Variants in DOCK8 observed in about 807,000 individuals in gnomAD.
The protein encoded by DOCK8 is dedicator of cytokinesis protein 8.
DOCK8 carries 141 observed loss-of-function variants against 245.6 expected under a neutral mutation model. The observed-to-expected ratio is 0.57, with a 90% CI of 0.50 to 0.66. DOCK8 has a LOEUF of 0.66. DOCK8 is among the 30% of genes least tolerant of loss of function. The pLI is 0.00. For missense variants in DOCK8, 2,965 were observed against 2,603.4 expected (o/e 1.14, Z -3.02); for synonymous variants, 1,168 against 970.2 (o/e 1.20, Z -3.79).
Position 396,862 on chromosome 9 carries a change from C to T in DOCK8, c.3048C>T (p.Phe1016=), listed in dbSNP as rs767027949. 6.2e-7 allele frequency: 1 copy of T among 1,614,108 alleles called. No homozygotes were observed. Among genetic ancestry groups the T allele is most frequent in the Non-Finnish European group, 8.5e-7 (1 of 1,180,014 alleles). Reference sequence around the variant, plus strand: ...GGAGGACTCGTTTTTCTGACCGTTTCATGGATGACATAACTACTATTGTTA... The same window carrying T: ...GGAGGACTCGTTTTTCTGACCGTTTTATGGATGACATAACTACTATTGTTA... ...SFRRTRFSDR[F]MDDITTIVNV... The change falls in exon 25 of 48, where the codon TTC becomes TTT. Residue 1016 remains phenylalanine, a synonymous_variant. Transcript: ENST00000432829.
At chr9:345,273 G>A (rs911083135) in intron 14 of DOCK8, among the ~76,000 whole-genome samples, 10 of 152,072 alleles carry the variant, frequency 6.6e-5, no homozygotes, top group African/African-American at 1.4e-4. Context: ...ATATTTCTTC[G>A]TTTATAGAGG....
intron 16 of DOCK8, among the ~76,000 whole-genome samples, chr9:370,642 C>G (rs1049142456): frequency 2.0e-5 from 3 of 152,212 alleles, no homozygotes; most frequent in African/African-American, 4.8e-5. Context: ...AGTCCGGCTC[C>G]CCTTGCCCTG....
intron 44 of DOCK8, 126 bp downstream of exon 44, chr9:446,732 A>G (rs2057275476): frequency 3.5e-6 from 3 of 847,604 alleles, no homozygotes; most frequent in Middle Eastern, 2.6e-4. Flanking sequence ...AAATATGATT[A>G]TATGGTTGTC....
intron 46 of DOCK8, among the ~76,000 whole-genome samples, chr9:457,258 G>A (rs2057668609): frequency 6.6e-6 from 1 of 152,214 alleles, no homozygotes; most frequent in Non-Finnish European, 1.5e-5. Flanking sequence ...CCTGAGTTCA[G>A]ATCCCATTCT....
chr9:399,395 C>G, intron 26 of DOCK8, 136 bp downstream of exon 26: 2 of 721,066 alleles, frequency 2.8e-6, no homozygotes, highest in African/African-American at 1.7e-5. Context: ...TGTTTTGCAG[C>G]ACGTCCCTCA....
intron 14 of DOCK8, among the ~76,000 whole-genome samples, chr9:342,297 C>CTTTTTTTTT (rs34071975): frequency 3.2e-5 from 4 of 124,414 alleles, no homozygotes; most frequent in Non-Finnish European, 6.7e-5. Flanking sequence ...TTTCTTTTTT[C>CTTTTTTTTT]TTTTTTTTTT....
At chr9:416,577 G>T (rs1175310264) in intron 29 of DOCK8, among the ~76,000 whole-genome samples, 1 of 152,240 alleles carries the variant, frequency 6.6e-6, no homozygotes, top group South Asian at 2.1e-4. Context: ...ATTGTTATAG[G>T]TTACACAGTA....
intron 34 of DOCK8, 108 bp downstream of exon 34, chr9:427,089 C>A: frequency 1.1e-6 from 1 of 929,122 alleles, no homozygotes. Context: ...TCCCATAGTA[C>A]CTTTTTTAAA....
At chr9:435,141 G>C (rs764632775) in intron 39 of DOCK8, among the ~76,000 whole-genome samples, 166 bp downstream of exon 39, 7 of 152,222 alleles carry the variant, frequency 4.6e-5, no homozygotes, top group Non-Finnish European at 1.0e-4. Context: ...CCAGGATGCT[G>C]TGAAACATTC....
At chr9:379,046 C>T (rs1465971195) in intron 20 of DOCK8, among the ~76,000 whole-genome samples, 1 of 152,062 alleles carries the variant, frequency 6.6e-6, no homozygotes, top group Non-Finnish European at 1.5e-5. Flanking sequence ...AGGAGGGCTT[C>T]CTAGGCGAGG....
At chr9:337,932 T>G (rs1260403652) in intron 12 of DOCK8, among the ~76,000 whole-genome samples, 1 of 152,062 alleles carries the variant, frequency 6.6e-6, no homozygotes, top group Non-Finnish European at 1.5e-5. Context: ...GGCAGGTGGA[T>G]TATGTGAGGT....
chr9:220,876 A>G, intron 1 of DOCK8: 1 of 274,840 alleles, frequency 3.6e-6, no homozygotes, highest in Non-Finnish European at 7.3e-6. Context: ...GCGCACCACC[A>G]CGCCCGGCTA....
At chr9:249,474 T>A (rs1563840128) in intron 1 of DOCK8, among the ~76,000 whole-genome samples, 1 of 152,200 alleles carries the variant, frequency 6.6e-6, no homozygotes, top group Non-Finnish European at 1.5e-5. Context: ...TCTTCTTCAT[T>A]CCTAGTTGGT....
chr9:449,350 C>CAAAT (rs147000879), intron 44 of DOCK8, among the ~76,000 whole-genome samples: 174 of 151,076 alleles, frequency 1.2e-3, no homozygotes, highest in Non-Finnish European at 1.7e-3. Flanking sequence ...AACTCCATCT[C>CAAAT]AAATAAATAA....
At chr9:219,122 G>A (rs2046828496) in intron 1 of DOCK8, among the ~76,000 whole-genome samples, 1 of 152,088 alleles carries the variant, frequency 6.6e-6, no homozygotes, top group Non-Finnish European at 1.5e-5. Flanking sequence ...TATTTACTAT[G>A]TGCTACATAT....
chr9:428,000 C>T (rs1485540886), intron 34 of DOCK8, among the ~76,000 whole-genome samples: 1 of 152,088 alleles, frequency 6.6e-6, no homozygotes, highest in African/African-American at 2.4e-5. Flanking sequence ...ACCAAGCAGC[C>T]CCTGTTGTAC....
rs2049715615 is a variant in DOCK8, at chr9:304,466, T to C, written c.405-115T>C. The stretch of plus-strand genomic sequence containing the variant: ...GAGGAATTATAATTGGTTCCCTCTT[T>C]GAAAGCTCTCTCAGCACCATGTCTA... On this transcript the variant is annotated intron_variant, in intron 4 of 47. Transcript: ENST00000432829. 25 of 1,392,922 alleles carry C rather than the reference T, an allele frequency of 1.8e-5. No homozygotes were observed. In the Admixed American group the frequency reaches 4.4e-4, roughly 25 times the overall value. The allele number at this position is 1,392,922 out of a possible 1,614,324, so 86.3% of individuals were successfully genotyped here.
chr9:264,744 C>T (rs773802542), intron 1 of DOCK8, among the ~76,000 whole-genome samples: 1 of 152,108 alleles, frequency 6.6e-6, no homozygotes, highest in Non-Finnish European at 1.5e-5. Context: ...CTAAAAGCAT[C>T]CAAGAATGCA....
chr9:396,961 T>C (rs2054491140), intron 25 of DOCK8, 27 bp downstream of exon 25: 2 of 1,606,930 alleles, frequency 1.2e-6, no homozygotes, highest in East Asian at 2.2e-5. Context: ...CTTTATTTTC[T>C]AAATTGTTTA....
Sources: gnomAD v4.1 joint callset for allele counts (sites outside exome capture counted in the v4.1 genomes callset) on GRCh38, gnomAD v4.1.1 for gene constraint, MANE v1.5 for transcripts, NCBI Gene and HGNC (gene_info 2026-07-23, HGNC 2026-07-21) for gene names.